The following HPS3 variants were observed in gnomAD, a reference collection of about 807,000 sequenced individuals.
HPS3 encodes the protein HPS3 biogenesis of lysosomal organelles complex 2 subunit 1.
A neutral mutation model predicts 110.9 loss-of-function variants in HPS3; 79 were observed. The observed-to-expected ratio is 0.71, with a 90% CI of 0.59 to 0.86. The LOEUF (loss-of-function observed/expected upper bound fraction) is 0.86. Ranked by LOEUF, HPS3 falls within the 40% of genes least tolerant of loss-of-function variation. The probability of loss-of-function intolerance (pLI) is 0.00; values close to 1 mark genes in which losing one functional copy is unlikely to be tolerated. For missense variants in HPS3, 1,197 were observed against 1,206.2 expected (o/e 0.99, Z 0.11); for synonymous variants, 428 against 451.0 (o/e 0.95, Z 0.65).
Position 149,162,866 on chromosome 3 carries a change from A to G in HPS3, c.2469A>G (p.Thr823=), listed in dbSNP as rs370137287. 1.4e-4 allele frequency: 226 copies of G among 1,613,416 alleles called. No homozygotes were observed. In the East Asian group the frequency reaches 3.7e-3, roughly 26 times the overall value. Residue 823 remains threonine, a synonymous_variant, in exon 13 of 17, where the codon ACA becomes ACG. Coordinates refer to ENST00000296051, the MANE Select transcript of HPS3 (RefSeq NM_032383.5). ...RQPPDTTPLR[T]SEDLINACSH... ...CTCCTGACACCACACCATTGCGAAC[A>G]TCGGAGGATCTGGTAAGATAATGGA... is the stretch of plus-strand genomic sequence containing the variant.
In HPS3 at chr3:149,141,185, ATAGGTAT is replaced by A; in HGVS notation, c.884_884+6del. 6.3e-7 allele frequency: 1 copy of A among 1,583,344 alleles called. No homozygotes were observed. Among genetic ancestry groups the A allele is most frequent in the Non-Finnish European group, 8.6e-7 (1 of 1,162,980 alleles). ...TATTCCCACTTTCAGCACCTGCTCT[ATAGGTAT>A]TATAGTGCTTTTTTTTTTTTTACCA... On this transcript the variant is annotated splice_donor_variant and splice_donor_region_variant and coding_sequence_variant and intron_variant, in exon 3 of 17. Coordinates refer to ENST00000296051, the MANE Select transcript of HPS3 (RefSeq NM_032383.5). LOFTEE classifies it high-confidence loss of function.
rs777599532 is a variant in HPS3, at chr3:149,162,133, C to G, written c.2107-15C>G. 6.2e-7 allele frequency: 1 copy of G among 1,610,538 alleles called. No individual in the cohort carries two copies. Among genetic ancestry groups the G allele is most frequent in the African/African-American group, 1.3e-5 (1 of 74,944 alleles). On this transcript the variant is annotated splice_polypyrimidine_tract_variant and intron_variant, in intron 11 of 16. Coordinates refer to ENST00000296051, the MANE Select transcript of HPS3 (RefSeq NM_032383.5). ...CAATGTACCTTTTGTTCCTAAATTTCTTTCTTATCTGAAGATGAAGTTGGT... is the reference window on the plus strand; with the variant it reads ...CAATGTACCTTTTGTTCCTAAATTTGTTTCTTATCTGAAGATGAAGTTGGT...
chr3:149,148,719 G>A lies in HPS3; in HGVS notation c.1164-1880G>A, dbSNP rs368691719. On this transcript the variant is annotated intron_variant, in intron 5 of 16. Transcript: ENST00000296051. ...CATGCCCGGCCATTTTTTTTTTTTT[G>A]TTGTTGTTTTTACAATGCATGTACT... Among the ~76,000 whole-genome samples the A allele has an allele frequency of 5.8e-3, 862 of 149,414 alleles. 15 individuals are homozygous for A. Among genetic ancestry groups the A allele is most frequent in the African/African-American group, 0.02 (823 of 40,742 alleles).
At chr3:149,153,834 G>T (rs1308411767) in intron 7 of HPS3, 186 bp downstream of exon 7, 2 of 626,094 alleles carry the variant, frequency 3.2e-6, no homozygotes, top group Non-Finnish European at 5.5e-6. Flanking sequence ...TAACTGACCT[G>T]GAAACTTTTA....
intron 1 of HPS3, among the ~76,000 whole-genome samples, chr3:149,137,921 C>T (rs755060605): frequency 2.6e-5 from 4 of 152,118 alleles, no homozygotes; most frequent in Non-Finnish European, 1.5e-5. Context: ...GAGAAGATAC[C>T]AGTGCCACTG....
chr3:149,166,988 T>G (rs1400997940), intron 14 of HPS3, 46 bp from the exon 15 acceptor site: 2 of 1,453,600 alleles, frequency 1.4e-6, no homozygotes, highest in East Asian at 4.5e-5. Flanking sequence ...TGTGTTTTAG[T>G]TTTTGAGGTG....
intron 4 of HPS3, among the ~76,000 whole-genome samples, chr3:149,143,607 A>T (rs1279235474): frequency 1.3e-5 from 2 of 152,204 alleles, no homozygotes; most frequent in African/African-American, 4.8e-5. Flanking sequence ...TGGATGGGTC[A>T]TATGTATTTG....
chr3:149,153,739 C>T (rs1413073683), intron 7 of HPS3, 91 bp downstream of exon 7: 3 of 1,337,758 alleles, frequency 2.2e-6, no homozygotes, highest in Non-Finnish European at 3.2e-6. Flanking sequence ...CAAATCATAA[C>T]TTGGAATGAT....
chr3:149,147,097 C>T (rs1722823296), intron 5 of HPS3, among the ~76,000 whole-genome samples: 1 of 152,028 alleles, frequency 6.6e-6, no homozygotes, highest in Non-Finnish European at 1.5e-5. Flanking sequence ...AGTTAAAAGA[C>T]TTGTCTGATG....
At chr3:149,157,325 A>G (rs1452183732) in intron 8 of HPS3, 25 bp from the exon 9 acceptor site, 10 of 1,600,780 alleles carry the variant, frequency 6.2e-6, no homozygotes, top group Non-Finnish European at 8.6e-6. Context: ...CTTCAGCAAC[A>G]TTAGTGTTTG....
intron 1 of HPS3, among the ~76,000 whole-genome samples, chr3:149,131,872 T>G (rs1299920360): frequency 6.6e-6 from 1 of 152,124 alleles, no homozygotes; most frequent in African/African-American, 2.4e-5. Flanking sequence ...TGAACACAAA[T>G]GATTAGAAAG....
intron 8 of HPS3, 143 bp from the exon 9 acceptor site, chr3:149,157,207 G>C: frequency 4.2e-6 from 3 of 706,742 alleles, no homozygotes; most frequent in Middle Eastern, 4.1e-4. Flanking sequence ...TTGTCAGAAT[G>C]GTGAATAACC....
chr3:149,139,926 T>G, intron 1 of HPS3, 78 bp from the exon 2 acceptor site: 1 of 1,300,708 alleles, frequency 7.7e-7, no homozygotes, highest in East Asian at 2.3e-5. Flanking sequence ...TAGAATTCAT[T>G]AATAGTACTC....
chr3:149,152,890 G>C (rs1193036435), intron 6 of HPS3, among the ~76,000 whole-genome samples: 1 of 152,098 alleles, frequency 6.6e-6, no homozygotes, highest in East Asian at 1.9e-4. Flanking sequence ...AGAGCAAAAG[G>C]CTGGCTCCTC....
chr3:149,157,264 T>A (rs766409529), intron 8 of HPS3, 86 bp from the exon 9 acceptor site: 90 of 1,174,736 alleles, frequency 7.7e-5, no homozygotes, highest in Non-Finnish European at 1.1e-4. Context: ...TTAACTTTAC[T>A]AACAAAATAT....
chr3:149,150,918 T>C (rs1367522010), intron 6 of HPS3, among the ~76,000 whole-genome samples: 1 of 152,252 alleles, frequency 6.6e-6, no homozygotes, highest in Non-Finnish European at 1.5e-5. Context: ...GTGCATAGTT[T>C]TTAAAGTTTG....
chr3:149,131,361 G>A (rs1028841950), intron 1 of HPS3, among the ~76,000 whole-genome samples: 6 of 152,078 alleles, frequency 3.9e-5, no homozygotes, highest in African/African-American at 1.5e-4. Flanking sequence ...TCTGTGTGGA[G>A]CAAATCTACC....
Position 149,167,570 on chromosome 3 carries a change from C to T in HPS3, c.2797-323C>T, listed in dbSNP as rs369946651. ...GTTTAGAAATTAGAAGAATTTTGGA[C>T]CTTAGTTCTTTTTTTTCTTCATTCC... On this transcript the variant is annotated intron_variant, in intron 15 of 16. Transcript: ENST00000296051. Among the ~76,000 whole-genome samples the T allele has an allele frequency of 4.6e-5, 7 of 152,148 alleles. No individual in the cohort carries two copies. In the East Asian group the frequency reaches 1.2e-3, roughly 25 times the overall value.
intron 16 of HPS3, among the ~76,000 whole-genome samples, chr3:149,171,614 A>G (rs1173684451): frequency 1.3e-5 from 2 of 152,122 alleles, no homozygotes; most frequent in African/African-American, 4.8e-5. Flanking sequence ...AGGAAAAATA[A>G]GTTACAACCA....
Sources: gnomAD v4.1 joint callset for allele counts (sites outside exome capture counted in the v4.1 genomes callset) on GRCh38, gnomAD v4.1.1 for gene constraint, MANE v1.5 for transcripts, NCBI Gene and HGNC (gene_info 2026-07-23, HGNC 2026-07-21) for gene names.